The following PCDHGA4 variants were observed in gnomAD, a reference collection of about 807,000 sequenced individuals.
The protein encoded by PCDHGA4 is protocadherin gamma subfamily A, 4, also known as protocadherin gamma-A4.
Under a neutral mutation model 54.6 loss-of-function variants are expected in PCDHGA4, and 38 were observed. The ratio of observed to expected loss-of-function variants is 0.70; its 90% confidence interval spans 0.54 to 0.91. PCDHGA4 has a LOEUF of 0.91. Among genes scored for constraint, PCDHGA4 ranks in the 40% least tolerant of loss-of-function variants. The pLI, the probability that PCDHGA4 is intolerant of heterozygous loss-of-function variation, is 0.00. For synonymous variants in PCDHGA4, 511 were observed against 512.9 expected (o/e 1.00, Z 0.05); for missense variants, 1,298 against 1,220.9 (o/e 1.06, Z -0.94).
chr5:141,394,145 C>A, intron 1 of PCDHGA4: 1 of 1,613,962 alleles, frequency 6.2e-7, no homozygotes, highest in Non-Finnish European at 8.5e-7. Flanking sequence ...ACGTGGCAGA[C>A]ATTAACGACA....
intron 1 of PCDHGA4, chr5:141,478,825 T>G: frequency 1.4e-6 from 2 of 1,441,878 alleles, no homozygotes; most frequent in East Asian, 5.0e-5. Context: ...TAACCAATCT[T>G]GCTAAGGGAT....
rs751918675 is a variant in PCDHGA4 at position 141,376,240 on chromosome 5, G to A, written c.2514+18619G>A. ...TGCTGGCGCTCAGACTGCAGCGCTG[G>A]CACAAGTCACGCCTGCTGCAGGCTT... On this transcript the variant is annotated intron_variant, in intron 1 of 3. Transcript: ENST00000571252. The A allele has an allele frequency of 1.9e-6, 3 of 1,614,202 alleles. No individual in the cohort carries two copies. In the South Asian group the frequency reaches 3.3e-5, roughly 18 times the overall value.
chr5:141,415,920 G>T, intron 1 of PCDHGA4: 1 of 692,798 alleles, frequency 1.4e-6, no homozygotes, highest in Non-Finnish European at 2.0e-6. Context: ...AGAAGTGCCT[G>T]TCAATTTATA....
chr5:141,370,167 G>A, intron 1 of PCDHGA4: 3 of 459,112 alleles, frequency 6.5e-6, no homozygotes, highest in Non-Finnish European at 1.1e-5. Context: ...TGCAGCAGAG[G>A]CGCCGGGTGC....
chr5:141,360,056 A>C, intron 1 of PCDHGA4: 1 of 1,446,522 alleles, frequency 6.9e-7, no homozygotes, highest in Non-Finnish European at 9.1e-7. Flanking sequence ...CAAAAGCAGG[A>C]AAAGTGACCT....
Position 141,485,281 on chromosome 5 carries a change from A to G in PCDHGA4, c.2515-9526A>G. 4 of 1,614,156 alleles carry G rather than the reference A, an allele frequency of 2.5e-6. No individual in the cohort carries two copies. In the South Asian group the frequency reaches 3.3e-5, roughly 13 times the overall value. Reference sequence around the variant, plus strand: ...GTGGGCAGATCCGCTACCCGGTCCCAGAGGAGTCACAGGAAGGGACTTTTG... The same window carrying G: ...GTGGGCAGATCCGCTACCCGGTCCCGGAGGAGTCACAGGAAGGGACTTTTG... On this transcript the variant is annotated intron_variant, in intron 1 of 3. Coordinates refer to ENST00000571252, the MANE Select transcript of PCDHGA4 (RefSeq NM_018917.4). The surrounding 1 kb of genome is among the most constrained non-coding windows in gnomAD (Gnocchi z 5.7).
intron 1 of PCDHGA4, among the ~76,000 whole-genome samples, chr5:141,438,396 A>T (rs1026490705): frequency 6.6e-6 from 1 of 150,930 alleles, no homozygotes. Context: ...TTCATCATTA[A>T]CTCTCTGAAG....
chr5:141,427,268 A>G (rs1433017911), intron 1 of PCDHGA4: 7 of 456,648 alleles, frequency 1.5e-5, no homozygotes, highest in Non-Finnish European at 3.1e-5. Flanking sequence ...TGACCAGCGA[A>G]TGTAAAATTA....
In PCDHGA4 at chr5:141,432,690, T is replaced by A. The variant is rs764124373; in HGVS notation, c.2515-62117T>A. 5.0e-6 allele frequency: 8 copies of A among 1,613,854 alleles called. No individual in the cohort carries two copies. The highest frequency in any genetic ancestry group is 2.7e-5 in the African/African-American group (2 of 74,940). ...GACGCGCTCAAGCAGAGCCTCGTAGTGGCCGTCCAGGACCACGGCCAGCCC... is the reference window on the plus strand; with the variant it reads ...GACGCGCTCAAGCAGAGCCTCGTAGAGGCCGTCCAGGACCACGGCCAGCCC... On this transcript the variant is annotated intron_variant, in intron 1 of 3. Coordinates refer to ENST00000571252, the MANE Select transcript of PCDHGA4 (RefSeq NM_018917.4). This position sits in a 1 kb window ranked among gnomAD's most constrained non-coding sequence, Gnocchi z 6.0.
intron 1 of PCDHGA4, among the ~76,000 whole-genome samples, chr5:141,456,059 G>A (rs1200043527): frequency 1.3e-5 from 2 of 151,662 alleles, no homozygotes; most frequent in Non-Finnish European, 1.5e-5. Flanking sequence ...CACCACGTCC[G>A]GCTAATTTTT....
At chr5:141,410,196 C>T (rs773310778) in intron 1 of PCDHGA4, 3 of 1,613,984 alleles carry the variant, frequency 1.9e-6, no homozygotes, top group East Asian at 4.5e-5. Context: ...CTGGTCTTCG[C>T]AGACAACTTG....
At chr5:141,372,621 T>C (rs775165911) in intron 1 of PCDHGA4, 1 of 1,614,026 alleles carries the variant, frequency 6.2e-7, no homozygotes, top group East Asian at 2.2e-5. Context: ...TCTCCCCACC[T>C]ACAGCGAAAG....
In PCDHGA4 at chr5:141,393,848, A is replaced by G. The variant is rs1368797606; in HGVS notation, c.2514+36227A>G. Reference sequence around the variant, plus strand: ...TGGAAGATGTAAATGACAATAGACCAGAAGTGATCATTACGTCTTTGTTTA... The same window carrying G: ...TGGAAGATGTAAATGACAATAGACCGGAAGTGATCATTACGTCTTTGTTTA... On this transcript the variant is annotated intron_variant, in intron 1 of 3. Transcript: ENST00000571252. 2.5e-6 allele frequency: 4 copies of G among 1,614,008 alleles called. No individual in the cohort carries two copies. The South Asian group carries it at 4.4e-5, about 18-fold the overall frequency.
At chr5:141,470,682 T>C (rs2099236741) in intron 1 of PCDHGA4, among the ~76,000 whole-genome samples, 1 of 152,138 alleles carries the variant, frequency 6.6e-6, no homozygotes, top group Non-Finnish European at 1.5e-5. Flanking sequence ...TGTTACCATC[T>C]TGAAATTCTT....
At chr5:141,359,899 A>C (rs1761354532) in intron 1 of PCDHGA4, 1 of 400,996 alleles carries the variant, frequency 2.5e-6, no homozygotes. Flanking sequence ...AATATTGACA[A>C]GCCATTAGTG....
chr5:141,404,080 C>G (rs369802030), intron 1 of PCDHGA4: 1 of 1,613,516 alleles, frequency 6.2e-7, no homozygotes, highest in Non-Finnish European at 8.5e-7. Flanking sequence ...ACCGAGACTC[C>G]GGGAAGAATG....
intron 1 of PCDHGA4, among the ~76,000 whole-genome samples, chr5:141,364,048 G>C (rs1027287305): frequency 6.6e-6 from 1 of 152,188 alleles, no homozygotes; most frequent in African/African-American, 2.4e-5. Context: ...AACATTATTA[G>C]AAATAAAATT....
At chr5:141,484,451 T>G (rs2099596635) in intron 1 of PCDHGA4, among the ~76,000 whole-genome samples, 2 of 152,264 alleles carry the variant, frequency 1.3e-5, no homozygotes, top group South Asian at 4.1e-4. Flanking sequence ...TTTAATTGGC[T>G]ACGTTAATGT....
intron 1 of PCDHGA4, chr5:141,404,978 G>C: frequency 6.2e-7 from 1 of 1,613,976 alleles, no homozygotes; most frequent in Non-Finnish European, 8.5e-7. Context: ...GGCTGACCTG[G>C]GCAGTCTTCA....
Sources: gnomAD v4.1 joint callset for allele counts (sites outside exome capture counted in the v4.1 genomes callset) on GRCh38, gnomAD v4.1.1 for gene constraint, Gnocchi (gnomAD v3.1) non-coding constraint, MANE v1.5 for transcripts, NCBI Gene and HGNC (gene_info 2026-07-23, HGNC 2026-07-21) for gene names.